ACVR2A: variants seen among roughly 807,000 people sequenced by gnomAD.
ACVR2A encodes activin receptor type-2A.
Under a neutral mutation model 61.4 loss-of-function variants are expected in ACVR2A, and 7 were observed. The observed-to-expected ratio is 0.11, with a 90% CI of 0.06 to 0.21. The LOEUF (loss-of-function observed/expected upper bound fraction) is 0.21, where lower values mean the gene tolerates loss of function less well. Ranked by LOEUF, ACVR2A falls within the 10% of genes least tolerant of loss-of-function variation. The pLI, the probability that ACVR2A is intolerant of heterozygous loss-of-function variation, is 1.00. For missense variants in ACVR2A, 322 were observed against 621.7 expected (o/e 0.52, Z 5.13); for synonymous variants, 193 against 208.3 (o/e 0.93, Z 0.63).
At chr2:147,860,364 G>T (rs1189375790) in intron 1 of ACVR2A, among the ~76,000 whole-genome samples, 2 of 152,030 alleles carry the variant, frequency 1.3e-5, no homozygotes, top group Non-Finnish European at 1.5e-5. Context: ...ACAAGTGGGT[G>T]TAGGTAAAAC....
chr2:147,857,250 TAGA>T (rs1031704259), intron 1 of ACVR2A, among the ~76,000 whole-genome samples: 1 of 152,146 alleles, frequency 6.6e-6, no homozygotes, highest in Non-Finnish European at 1.5e-5. Context: ...ATTGTATCCC[TAGA>T]ATATCCCCAC....
chr2:147,864,667 A>C (rs189122311), intron 1 of ACVR2A, among the ~76,000 whole-genome samples: 2 of 152,262 alleles, frequency 1.3e-5, no homozygotes, highest in East Asian at 3.9e-4. Context: ...TAGTGAAGAC[A>C]AGTAAAAAAT....
rs899861449 is a variant in ACVR2A, at chr2:147,920,225, G to T, written c.963-5G>T. The stretch of plus-strand genomic sequence containing the variant: ...CTTAATTTGAATACTCTTTTTATTT[G>T]CAAGGGACATCAAAAGTAAAAATGT... On this transcript the variant is annotated splice_polypyrimidine_tract_variant and splice_region_variant and intron_variant, in intron 7 of 10. Coordinates refer to ENST00000241416, the MANE Select transcript of ACVR2A (RefSeq NM_001616.5). 1 of 1,599,230 alleles carries T rather than the reference G, an allele frequency of 6.3e-7. No individual in the cohort carries two copies. Among genetic ancestry groups the T allele is most frequent in the Non-Finnish European group, 8.6e-7 (1 of 1,168,370 alleles).
At chr2:147,876,663 T>C (rs1176925056) in intron 1 of ACVR2A, among the ~76,000 whole-genome samples, 1 of 152,176 alleles carries the variant, frequency 6.6e-6, no homozygotes, top group African/African-American at 2.4e-5. Context: ...TTCATTGCAG[T>C]TGTTTCCTCT....
At chr2:147,877,973 C>T (rs980218553) in intron 1 of ACVR2A, among the ~76,000 whole-genome samples, 1 of 152,002 alleles carries the variant, frequency 6.6e-6, no homozygotes, top group Non-Finnish European at 1.5e-5. Flanking sequence ...TCTCAATTAC[C>T]GACTATACAG....
At chr2:147,886,696 G>A (rs1686441226) in intron 1 of ACVR2A, among the ~76,000 whole-genome samples, 1 of 151,358 alleles carries the variant, frequency 6.6e-6, no homozygotes. Context: ...ATTTGTTTTT[G>A]CATTTTATCA....
Position 147,929,491 on chromosome 2 carries a change from A to T in ACVR2A, c.*2217A>T, listed in dbSNP as rs1245728513. 2 of 152,416 alleles carry T rather than the reference A, an allele frequency of 1.3e-5. No individual in the cohort carries two copies. Among genetic ancestry groups the T allele is most frequent in the Admixed American group, 6.6e-5 (1 of 15,210 alleles). 9.4% of individuals were successfully genotyped at this position (152,416 alleles called of 1,614,324 possible). A position where few individuals can be genotyped will look rare whatever the true frequency, so the allele number is the denominator to read the frequency against. On this transcript the variant is annotated 3_prime_UTR_variant, in exon 11 of 11. Coordinates refer to ENST00000241416, the MANE Select transcript of ACVR2A (RefSeq NM_001616.5). ...TATAAAATGTTTTCAAGTTAGAAAA[A>T]ATTTTTAGAAATCCTGGGTATTGTA...
chr2:147,845,221 G>T lies in ACVR2A; in HGVS notation c.55+14G>T, dbSNP rs754934725. 1.2e-6 allele frequency: 2 copies of T among 1,610,982 alleles called. No homozygotes were observed. The highest frequency in any genetic ancestry group is 1.7e-6 in the Non-Finnish European group (2 of 1,179,210). On this transcript the variant is annotated intron_variant, in intron 1 of 10. Coordinates refer to ENST00000241416, the MANE Select transcript of ACVR2A (RefSeq NM_001616.5). Reference sequence around the variant, plus strand: ...CCTGTTCTTCAGGTAGGTGCAGGGAGCGCGGCGCGGTGGGGCTGCTCCTGC... The same window carrying T: ...CCTGTTCTTCAGGTAGGTGCAGGGATCGCGGCGCGGTGGGGCTGCTCCTGC...
intron 1 of ACVR2A, among the ~76,000 whole-genome samples, chr2:147,894,143 T>C (rs1686664572): frequency 6.6e-6 from 1 of 152,160 alleles, no homozygotes; most frequent in Non-Finnish European, 1.5e-5. Flanking sequence ...TCTATTGAAT[T>C]GCCTTGACAT....
intron 1 of ACVR2A, among the ~76,000 whole-genome samples, chr2:147,871,723 G>GT (rs1686024231): frequency 6.6e-6 from 1 of 152,062 alleles, no homozygotes; most frequent in Non-Finnish European, 1.5e-5. Flanking sequence ...TGAGGACTAA[G>GT]CCTCGTTGTT....
At chr2:147,871,884 C>T (rs1408931206) in intron 1 of ACVR2A, among the ~76,000 whole-genome samples, 3 of 152,014 alleles carry the variant, frequency 2.0e-5, no homozygotes, top group Non-Finnish European at 4.4e-5. Context: ...GTTTCTTTCT[C>T]CCATTTGCAT....
intron 1 of ACVR2A, among the ~76,000 whole-genome samples, chr2:147,881,278 G>C (rs989093260): frequency 1.3e-5 from 2 of 152,060 alleles, no homozygotes; most frequent in African/African-American, 2.4e-5. Context: ...TTTTTTGATA[G>C]TTGATTTTAA....
intron 7 of ACVR2A, among the ~76,000 whole-genome samples, chr2:147,918,870 G>C (rs1687314830): frequency 6.6e-6 from 1 of 151,994 alleles, no homozygotes; most frequent in South Asian, 2.1e-4. Context: ...AAAGGAAAAA[G>C]ACATTTGTTT....
At chr2:147,894,125 A>G (rs1377997229) in intron 1 of ACVR2A, among the ~76,000 whole-genome samples, 1 of 152,078 alleles carries the variant, frequency 6.6e-6, no homozygotes, top group Non-Finnish European at 1.5e-5. Flanking sequence ...TGCTACGACT[A>G]TCGTTTTTCT....
intron 1 of ACVR2A, among the ~76,000 whole-genome samples, chr2:147,857,853 G>A (rs1408632874): frequency 2.0e-5 from 3 of 152,136 alleles, no homozygotes; most frequent in Admixed American, 1.3e-4. Flanking sequence ...TTTAAGTTCA[G>A]GAGTACACCT....
At chr2:147,855,103 A>T (rs1685537169) in intron 1 of ACVR2A, among the ~76,000 whole-genome samples, 1 of 151,762 alleles carries the variant, frequency 6.6e-6, no homozygotes, top group Non-Finnish European at 1.5e-5. Context: ...CTGGTCTCGA[A>T]CTCCTGTCTC....
intron 1 of ACVR2A, among the ~76,000 whole-genome samples, chr2:147,894,192 A>G (rs544947771): frequency 6.6e-6 from 1 of 152,118 alleles, no homozygotes; most frequent in Admixed American, 6.5e-5. Flanking sequence ...ATGTGGGTCT[A>G]TTTCTGGGTT....
intron 1 of ACVR2A, among the ~76,000 whole-genome samples, chr2:147,873,015 ATTG>A (rs1448885244): frequency 6.6e-6 from 1 of 151,904 alleles, no homozygotes; most frequent in Admixed American, 6.6e-5. Flanking sequence ...ATGTTAGCTT[ATTG>A]TTTTCCTTGA....
In ACVR2A at chr2:147,899,863, A is replaced by G; in HGVS notation, c.493A>G (p.Lys165Glu). Reference sequence around the variant, plus strand: ...TGCATTTTGGGTGTACAGGCATCACAAGATGGCCTACCCTCCTGTACTTGT... The same window carrying G: ...TGCATTTTGGGTGTACAGGCATCACGAGATGGCCTACCCTCCTGTACTTGT... ...ICAFWVYRHH[K>E]MAYPPVLVPT... Residue 165 changes from lysine (K) to glutamate (E), a missense_variant, in exon 4 of 11, where the codon AAG (lysine) becomes GAG (glutamate). Lys to Glu is a moderately conservative substitution (Grantham distance 56, BLOSUM62 1). Coordinates refer to ENST00000241416, the MANE Select transcript of ACVR2A (RefSeq NM_001616.5). The G allele has an allele frequency of 6.2e-7, 1 of 1,613,670 alleles. No individual in the cohort carries two copies. Among genetic ancestry groups the G allele is most frequent in the Non-Finnish European group, 8.5e-7 (1 of 1,179,656 alleles).
Sources: allele counts gnomAD v4.1 joint callset (sites outside exome capture counted in the v4.1 genomes callset), GRCh38; gene constraint gnomAD v4.1.1; transcripts MANE v1.5; gene names NCBI Gene and HGNC (gene_info 2026-07-23, HGNC 2026-07-21).